The following ZFAND3 variants were observed in gnomAD, a reference collection of about 807,000 sequenced individuals.
ZFAND3 encodes zinc finger AN1-type containing 3, also known as AN1-type zinc finger protein 3.
ZFAND3 carries 10 observed loss-of-function variants against 29.6 expected under a neutral mutation model. The ratio of observed to expected loss-of-function variants is 0.34; its 90% CI spans 0.21 to 0.57. ZFAND3 has a LOEUF of 0.57. Ranked by LOEUF, ZFAND3 falls within the 20% of genes least tolerant of loss-of-function variation. ZFAND3 has a pLI of 0.86. For synonymous variants in ZFAND3, 128 were observed against 112.6 expected, an observed-to-expected ratio of 1.14 and a Z score of -0.87; for missense variants, 230 against 304.5, an observed-to-expected ratio of 0.76 and a Z score of 1.82.
chr6:37,957,612 A>G (rs956209133), intron 2 of ZFAND3, among the ~76,000 whole-genome samples: 2 of 152,128 alleles, frequency 1.3e-5, no homozygotes, highest in Non-Finnish European at 2.9e-5. Flanking sequence ...AGTATCTTGA[A>G]ACTAGAAGCT....
chr6:38,030,839 G>A (rs1763545868), intron 2 of ZFAND3, among the ~76,000 whole-genome samples: 2 of 152,174 alleles, frequency 1.3e-5, no homozygotes, highest in African/African-American at 2.4e-5. Context: ...AAGGAATGGA[G>A]AACAGAGGAT....
intron 1 of ZFAND3, among the ~76,000 whole-genome samples, chr6:37,912,322 G>T (rs1054248759): frequency 5.9e-5 from 9 of 152,034 alleles, no homozygotes; most frequent in Non-Finnish European, 8.8e-5. Flanking sequence ...ATTGTGAAAT[G>T]GCATCAAATT....
At chr6:37,846,837 G>A (rs1036496748) in intron 1 of ZFAND3, among the ~76,000 whole-genome samples, 1 of 151,054 alleles carries the variant, frequency 6.6e-6, no homozygotes, top group Non-Finnish European at 1.5e-5. Context: ...TTAGCCTCCC[G>A]AGTAGCTGGG....
rs959492348 is a variant in ZFAND3 at position 38,101,754 on chromosome 6, C to T, written c.362-14818C>T. Among the ~76,000 whole-genome samples, 59 of 105,364 alleles carry T rather than the reference C, an allele frequency of 5.6e-4. 1 individual carries two copies. Among genetic ancestry groups the T allele is most frequent in the South Asian group, 3.3e-4 (1 of 3,000 alleles). The allele number at this position is 105,364 out of a possible 152,430, so 69.1% of individuals were successfully genotyped here. On this transcript the variant is annotated intron_variant, in intron 4 of 5. Transcript: ENST00000287218. ...GTGCCACTGTACTCCAGCCTGGCAA[C>T]AGAGCGAGACTCCCTCTCAAAAAAA...
At chr6:37,906,054 T>C (rs555250613) in intron 1 of ZFAND3, among the ~76,000 whole-genome samples, 2 of 152,276 alleles carry the variant, frequency 1.3e-5, no homozygotes, top group South Asian at 4.1e-4. Context: ...ACTTACACAA[T>C]ACACCATTTT....
chr6:38,122,136 C>T (rs1765546778), intron 5 of ZFAND3, among the ~76,000 whole-genome samples: 1 of 152,088 alleles, frequency 6.6e-6, no homozygotes, highest in African/African-American at 2.4e-5. Flanking sequence ...TGTTATGGTA[C>T]AGTTGTCCCC....
chr6:37,898,277 A>G lies in ZFAND3; in HGVS notation c.72-31682A>G, dbSNP rs544795713. 7.0e-4 allele frequency among the ~76,000 whole-genome samples: 107 copies of G among 152,254 alleles called. 1 individual carries two copies. Among genetic ancestry groups the G allele is most frequent in the Non-Finnish European group, 1.2e-3 (81 of 68,026 alleles). On this transcript the variant is annotated intron_variant, in intron 1 of 5. Transcript: ENST00000287218. ...TGACCCAGCTCCGTTTATTGAAAAG[A>G]CCATTTTCCCTAGTGCTTGCTGTGG...
At chr6:38,107,929 T>TAA (rs11423651) in intron 4 of ZFAND3, among the ~76,000 whole-genome samples, 75 of 142,344 alleles carry the variant, frequency 5.3e-4, no homozygotes, top group Admixed American at 1.3e-3. Context: ...GAAGGACTGT[T>TAA]AAAAAAAAAA....
At chr6:37,877,231 C>A in intron 1 of ZFAND3, among the ~76,000 whole-genome samples, 1 of 152,142 alleles carries the variant, frequency 6.6e-6, no homozygotes, top group East Asian at 1.9e-4. Flanking sequence ...GGTATTTCTT[C>A]CACACTTGTG....
At chr6:38,135,708 G>A (rs1765826427) in intron 5 of ZFAND3, among the ~76,000 whole-genome samples, 1 of 152,020 alleles carries the variant, frequency 6.6e-6, no homozygotes, top group African/African-American at 2.4e-5. Context: ...TCGCGCCACT[G>A]CATTCCAGCC....
intron 1 of ZFAND3, among the ~76,000 whole-genome samples, chr6:37,836,291 TG>T (rs1763966828): frequency 1.0e-5 from 1 of 99,108 alleles, no homozygotes; most frequent in Admixed American, 9.1e-5. Context: ...TTTCATCTCT[TG>T]AAAAAGTGTC....
intron 2 of ZFAND3, among the ~76,000 whole-genome samples, chr6:37,987,534 T>A (rs1762691486): frequency 6.6e-6 from 1 of 152,226 alleles, no homozygotes; most frequent in South Asian, 2.1e-4. Context: ...AAAAATGTAG[T>A]AGGCATCTCA....
intron 1 of ZFAND3, among the ~76,000 whole-genome samples, chr6:37,903,295 T>C (rs1473287878): frequency 6.6e-6 from 1 of 152,232 alleles, no homozygotes; most frequent in Non-Finnish European, 1.5e-5. Flanking sequence ...TATAGGAATA[T>C]TTAATTTCTT....
intron 1 of ZFAND3, among the ~76,000 whole-genome samples, chr6:37,871,008 A>AAG (rs1304956429): frequency 1.3e-5 from 2 of 152,086 alleles, no homozygotes; most frequent in African/African-American, 4.8e-5. Flanking sequence ...AGAACCTGTA[A>AAG]ATTTCCATCT....
chr6:37,885,711 A>G (rs1429210627), intron 1 of ZFAND3, among the ~76,000 whole-genome samples: 1 of 152,112 alleles, frequency 6.6e-6, no homozygotes, highest in East Asian at 1.9e-4. Context: ...TTATTTGAGT[A>G]ATGGTGTTGA....
At chr6:38,055,050 GA>G (rs1394005453) in intron 2 of ZFAND3, among the ~76,000 whole-genome samples, 1 of 152,190 alleles carries the variant, frequency 6.6e-6, no homozygotes, top group Non-Finnish European at 1.5e-5. Flanking sequence ...ATTGGGTGGA[GA>G]GGGGATGGTG....
chr6:37,986,840 T>C (rs1185378530), intron 2 of ZFAND3, among the ~76,000 whole-genome samples: 1 of 152,102 alleles, frequency 6.6e-6, no homozygotes, highest in Non-Finnish European at 1.5e-5. Flanking sequence ...AATTAATACT[T>C]TATTAAAACC....
At chr6:38,119,301 A>G (rs1765482407) in intron 5 of ZFAND3, among the ~76,000 whole-genome samples, 1 of 152,150 alleles carries the variant, frequency 6.6e-6, no homozygotes, top group South Asian at 2.1e-4. Flanking sequence ...TGTTGGAGAG[A>G]TGTTTAACTG....
intron 3 of ZFAND3, among the ~76,000 whole-genome samples, chr6:38,066,781 G>A (rs895947870): frequency 9.2e-5 from 14 of 152,148 alleles, no homozygotes; most frequent in African/African-American, 3.4e-4. Context: ...AATAACTATT[G>A]ACAAAAGTAT....
Sources: gnomAD v4.1 joint callset for allele counts (sites outside exome capture counted in the v4.1 genomes callset) on GRCh38, gnomAD v4.1.1 for gene constraint, MANE v1.5 for transcripts, NCBI Gene and HGNC (gene_info 2026-07-23, HGNC 2026-07-21) for gene names.